The following TMPRSS9 variants were observed in gnomAD, a reference collection of about 807,000 sequenced individuals.
The protein encoded by TMPRSS9 is transmembrane protease serine 9.
TMPRSS9 carries 113 observed loss-of-function variants against 111.4 expected under a neutral mutation model. That is an observed-to-expected ratio of 1.01 (90% confidence interval 0.87 to 1.19). The LOEUF is 1.19. Ranked by LOEUF, TMPRSS9 falls within the 50% of genes most tolerant of loss-of-function variation. TMPRSS9 has a pLI of 0.00. For synonymous variants in TMPRSS9, 805 were observed against 659.1 expected (o/e 1.22, Z -3.39); for missense variants, 1,803 against 1,513.1 (o/e 1.19, Z -3.18).
rs762761358 is a variant in TMPRSS9 at position 2,368,774 on chromosome 19, GTT to G, written c.-26+8440_-26+8441del. Among the ~76,000 whole-genome samples the G allele has an allele frequency of 4.3e-5, 3 of 70,384 alleles. 1 individual carries two copies. Among genetic ancestry groups the G allele is most frequent in the African/African-American group, 1.8e-4 (3 of 16,558 alleles). The allele number at this position is 70,384 out of a possible 152,430, so 46.2% of individuals were successfully genotyped here. A position where few individuals can be genotyped will look rare whatever the true frequency, so the allele number is the denominator to read the frequency against. On this transcript the variant is annotated intron_variant, in intron 1 of 17. Transcript: ENST00000649857. ...TGCCAGGGCATCAAGGATAAACCCAGTTTTTTTTTTTTTTTTTTTTTTTTTTT... is the reference window on the plus strand; with the variant it reads ...TGCCAGGGCATCAAGGATAAACCCAGTTTTTTTTTTTTTTTTTTTTTTTTT...
rs1199905410 is a variant in TMPRSS9 at position 2,362,931 on chromosome 19, TTGTGTGTTGTG to T, written c.-26+2585_-26+2595del. On this transcript the variant is annotated intron_variant, in intron 1 of 17. Transcript: ENST00000649857. The stretch of plus-strand genomic sequence containing the variant: ...GTGTGTGGTAATGTGTTGTGTGTGG[TTGTGTGTTGTG>T]TGTGTGTTGTGTGAGGTTGTGGTTG... Among the ~76,000 whole-genome samples, 14 of 147,120 alleles carry T rather than the reference TTGTGTGTTGTG, an allele frequency of 9.5e-5. No individual in the cohort carries two copies. In the South Asian group the frequency reaches 1.6e-3, roughly 17 times the overall value.
intron 1 of TMPRSS9, among the ~76,000 whole-genome samples, chr19:2,378,329 C>G (rs912190122): frequency 6.6e-6 from 1 of 152,166 alleles, no homozygotes; most frequent in African/African-American, 2.4e-5. Flanking sequence ...ATGAGACTTT[C>G]AGTGCTGAAC....
At chr19:2,374,261 T>TC (rs1970312902) in intron 1 of TMPRSS9, among the ~76,000 whole-genome samples, 1 of 69,754 alleles carries the variant, frequency 1.4e-5, no homozygotes, top group East Asian at 4.9e-4. Flanking sequence ...TTTTTTTTTT[T>TC]TTTTTTTTTT....
chr19:2,422,893 T>C (rs1025786048), intron 14 of TMPRSS9, among the ~76,000 whole-genome samples: 2 of 146,040 alleles, frequency 1.4e-5, no homozygotes, highest in Non-Finnish European at 3.0e-5. Flanking sequence ...AGCTAGATAA[T>C]AGTAATAAAA....
At chr19:2,378,596 T>C (rs1284019479) in intron 1 of TMPRSS9, among the ~76,000 whole-genome samples, 2 of 152,148 alleles carry the variant, frequency 1.3e-5, no homozygotes, top group Non-Finnish European at 2.9e-5. Context: ...TGCACACCTG[T>C]AGTCCCAGCT....
chr19:2,413,887 C>T (rs1407411261), exon 10 of TMPRSS9: 1 of 1,613,440 alleles, frequency 6.2e-7, no homozygotes, highest in South Asian at 1.1e-5. Context: ...CCCACCATGG[C>T]TCCTGCCCCT....
At chr19:2,404,908 G>C (rs1970936383) in intron 6 of TMPRSS9, among the ~76,000 whole-genome samples, 3 of 139,208 alleles carry the variant, frequency 2.2e-5, no homozygotes, top group African/African-American at 8.1e-5. Flanking sequence ...CTCCAGCCTG[G>C]ACAACAGAGC....
intron 7 of TMPRSS9, among the ~76,000 whole-genome samples, chr19:2,406,566 C>G (rs1029216763): frequency 6.7e-6 from 1 of 149,184 alleles, no homozygotes; most frequent in Non-Finnish European, 1.5e-5. Context: ...AACTCCTGTC[C>G]TCAGGTGATC....
chr19:2,390,949 A>T (rs886429379), intron 1 of TMPRSS9, among the ~76,000 whole-genome samples: 1 of 151,092 alleles, frequency 6.6e-6, no homozygotes, highest in African/African-American at 2.4e-5. Flanking sequence ...TGAGCAGATC[A>T]TGAGGTCAGG....
At chr19:2,411,401 T>TC (rs201321873) in intron 9 of TMPRSS9, among the ~76,000 whole-genome samples, 3 of 61,174 alleles carry the variant, frequency 4.9e-5, no homozygotes, top group South Asian at 1.0e-3. Flanking sequence ...CTTCTTCTTC[T>TC]TTTTTTTTTT....
chr19:2,424,032 G>C, intron 14 of TMPRSS9, 57 bp from the exon 16 acceptor site: 1 of 1,246,000 alleles, frequency 8.0e-7, no homozygotes, highest in Non-Finnish European at 1.0e-6. Context: ...GCCCAGGGGG[G>C]CCTTCGTGGA....
intron 1 of TMPRSS9, among the ~76,000 whole-genome samples, chr19:2,377,406 A>G (rs1166899332): frequency 3.6e-5 from 5 of 140,224 alleles, no homozygotes; most frequent in Non-Finnish European, 6.1e-5. Context: ...AAGTGCTGGT[A>G]TTACAGGCAT....
In TMPRSS9 at chr19:2,421,916, C is replaced by A. The variant is rs780210816; in HGVS notation, c.2217C>A (p.Ile739=). The A allele has an allele frequency of 3.7e-6, 6 of 1,613,012 alleles. No homozygotes were observed. In the Admixed American group the frequency reaches 8.3e-5, roughly 22 times the overall value. The change falls in exon 14 of 18, where the codon ATC becomes ATA. Residue 739 remains isoleucine (I), a synonymous_variant. Coordinates refer to ENST00000648592, the Ensembl canonical transcript of TMPRSS9. ...CTGGCGTGTTTTATCTGGCAGGGATCGTGAGCTGGGGTATTGGCTGCGCTC... is the reference window on the plus strand; with the variant it reads ...CTGGCGTGTTTTATCTGGCAGGGATAGTGAGCTGGGGTATTGGCTGCGCTC...
chr19:2,373,430 A>G (rs1321826837), intron 1 of TMPRSS9, among the ~76,000 whole-genome samples: 15 of 150,912 alleles, frequency 9.9e-5, no homozygotes, highest in Non-Finnish European at 1.2e-4. Context: ...GGGTTTTGTG[A>G]TGTTGGCCAG....
intron 1 of TMPRSS9, among the ~76,000 whole-genome samples, chr19:2,392,611 A>G (rs1970621267): frequency 6.6e-6 from 1 of 152,160 alleles, no homozygotes; most frequent in African/African-American, 2.4e-5. Flanking sequence ...GGGGACTTGA[A>G]GAATTGTTAT....
intron 6 of TMPRSS9, among the ~76,000 whole-genome samples, chr19:2,403,991 CAAAAAAAAAA>C (rs924148287): frequency 2.0e-5 from 1 of 50,482 alleles, no homozygotes; most frequent in East Asian, 5.2e-4. Flanking sequence ...GACTCTGTCT[CAAAAAAAAAA>C]AAAAAAAAGA....
At chr19:2,411,195 G>A (rs1292766755) in intron 9 of TMPRSS9, among the ~76,000 whole-genome samples, 1 of 149,356 alleles carries the variant, frequency 6.7e-6, no homozygotes, top group Non-Finnish European at 1.5e-5. Flanking sequence ...AGCTCCTCGG[G>A]TGGCTGAGGC....
chr19:2,425,834 GTC>G, intron 17 of TMPRSS9, 91 bp from the exon 19 acceptor site: 1 of 1,452,748 alleles, frequency 6.9e-7, no homozygotes, highest in Non-Finnish European at 9.1e-7. Flanking sequence ...CCCAGGGGAA[GTC>G]ACTAGGGTCA....
chr19:2,402,936 AAAAAT>A lies in TMPRSS9; in HGVS notation c.557-141_557-137del. 6 of 638,358 alleles carry A rather than the reference AAAAAT, an allele frequency of 9.4e-6. 1 individual carries two copies. The South Asian group carries it at 1.1e-4, about 11-fold the overall frequency. The allele number at this position is 638,358 out of a possible 1,614,324, so 39.5% of individuals were successfully genotyped here. A position where few individuals can be genotyped will look rare whatever the true frequency, so the allele number is the denominator to read the frequency against. ...CAGAGCTAGACCCTGTCTCAAAAAC[AAAAAT>A]AAAAACAAGGAAAAGGAAAGAAAAG... is the stretch of plus-strand genomic sequence containing the variant. On this transcript the variant is annotated intron_variant, in intron 5 of 17. Coordinates refer to ENST00000648592, the Ensembl canonical transcript of TMPRSS9.
Sources: allele counts gnomAD v4.1 joint callset (sites outside exome capture counted in the v4.1 genomes callset), GRCh38; gene constraint gnomAD v4.1.1; transcripts MANE v1.5; gene names NCBI Gene and HGNC (gene_info 2026-07-23, HGNC 2026-07-21).